C20orf141: variants seen among roughly 807,000 people sequenced by gnomAD.
The protein encoded by C20orf141 is chromosome 20 open reading frame 141, also known as uncharacterized protein C20orf141.
Under a neutral mutation model 7.8 loss-of-function variants are expected in C20orf141, and 8 were observed. The observed-to-expected ratio is 1.03, with a 90% confidence interval of 0.60 to 1.85. C20orf141 has a LOEUF of 1.85. Among genes scored for constraint, C20orf141 ranks in the 40% most tolerant of loss-of-function variants. The probability of loss-of-function intolerance (pLI) is 0.00; values close to 1 mark genes in which losing one functional copy is unlikely to be tolerated. For missense variants in C20orf141, 220 were observed against 203.1 expected (o/e 1.08, Z -0.51); for synonymous variants, 101 against 90.8 (o/e 1.11, Z -0.64).
At chr20:2,815,477 G>A in intron 2 of C20orf141, 33 bp downstream of exon 2, 1 of 1,564,146 alleles carries the variant, frequency 6.4e-7, no homozygotes, top group East Asian at 2.3e-5. Context: ...GGTGGGCATT[G>A]TAGGCGGGCG....
chr20:2,815,449 G>C lies in C20orf141; in HGVS notation c.260+5G>C, dbSNP rs772374762. The C allele has an allele frequency of 3.8e-6, 6 of 1,563,710 alleles. No homozygotes were observed. The highest frequency in any genetic ancestry group is 5.2e-6 in the Non-Finnish European group (6 of 1,151,616). On this transcript the variant is annotated splice_donor_5th_base_variant and intron_variant, in intron 2 of 2. Transcript: ENST00000603872. ...CACCTTTGACCTGCTCCATAGGTAA[G>C]TGGGCAGCAGCCTGGCAGGTGGGCA...
In C20orf141 at chr20:2,815,460, C is replaced by T. The variant is rs1360916427; in HGVS notation, c.260+16C>T. On this transcript the variant is annotated intron_variant, in intron 2 of 2. Coordinates refer to ENST00000603872, the MANE Select transcript of C20orf141 (RefSeq NM_001256538.2). ...TGCTCCATAGGTAAGTGGGCAGCAG[C>T]CTGGCAGGTGGGCATTGTAGGCGGG... is the stretch of plus-strand genomic sequence containing the variant. The T allele has an allele frequency of 6.4e-7, 1 of 1,565,628 alleles. No homozygotes were observed. The highest frequency in any genetic ancestry group is 1.2e-5 in the South Asian group (1 of 82,588).
Position 2,815,376 on chromosome 20 carries a change from C to G in C20orf141, c.192C>G (p.Val64=), listed in dbSNP as rs1437202384. 1.3e-6 allele frequency: 2 copies of G among 1,584,898 alleles called. No homozygotes were observed. The highest frequency in any genetic ancestry group is 1.7e-6 in the Non-Finnish European group (2 of 1,163,016). The stretch of plus-strand genomic sequence containing the variant: ...CACTAGGACTGACAATCCAGGCAGT[C>G]TTTTCCACCACTGGCCCAGCCCTGC... ...LGALGLTIQA[V]FSTTGPALLL... The change falls in exon 2 of 3, where the codon GTC becomes GTG. Residue 64 remains valine (V), a synonymous_variant. Coordinates refer to ENST00000603872, the MANE Select transcript of C20orf141 (RefSeq NM_001256538.2).
In C20orf141 at chr20:2,815,291, C is replaced by T. The variant is rs1225287596; in HGVS notation, c.107C>T (p.Pro36Leu). The change falls in exon 2 of 3, where the codon CCT (proline) becomes CTT (leucine). Residue 36 changes from proline to leucine, a missense_variant. Transcript: ENST00000603872. Reference protein sequence around the residue: ...GEGSGSPVRPPVSTWGPSWAQ... With the variant: ...GEGSGSPVRPLVSTWGPSWAQ... The stretch of plus-strand genomic sequence containing the variant: ...GGGTCAGGTAGTCCAGTGCGTCCAC[C>T]TGTATCCACCTGGGGCCCTAGCTGG... 1 of 1,612,300 alleles carries T rather than the reference C, an allele frequency of 6.2e-7. No individual in the cohort carries two copies. The highest frequency in any genetic ancestry group is 8.5e-7 in the Non-Finnish European group (1 of 1,179,090).
Position 2,815,193 on chromosome 20 carries a change from G to C in C20orf141, c.9G>C (p.Arg3=). The part of the protein sequence containing the change: MT[R]LCLPRPEARE... ...CACCTCCACCTCTCTCCATGACCCG[G>C]CTCTGCTTACCCAGACCCGAAGCAC... The change falls in exon 2 of 3, where the codon CGG becomes CGC. Residue 3 remains arginine, a synonymous_variant. Coordinates refer to ENST00000603872, the MANE Select transcript of C20orf141 (RefSeq NM_001256538.2). 6.2e-7 allele frequency: 1 copy of C among 1,613,962 alleles called. No homozygotes were observed. Among genetic ancestry groups the C allele is most frequent in the Non-Finnish European group, 8.5e-7 (1 of 1,179,988 alleles).
At chr20:2,815,104 C>A (rs898454649) in intron 1 of C20orf141, 48 bp from the exon 2 acceptor site, 1 of 1,545,784 alleles carries the variant, frequency 6.5e-7, no homozygotes, top group African/African-American at 1.4e-5. Context: ...CTTCTGTCTG[C>A]CCGGGCCCTA....
At chr20:2,815,505 C>T (rs779257341) in intron 2 of C20orf141, 33 bp from the exon 3 acceptor site, 2 of 1,581,972 alleles carry the variant, frequency 1.3e-6, no homozygotes, top group Non-Finnish European at 1.7e-6. Context: ...GGACAACTTC[C>T]CTAAGCCCAG....
In C20orf141 at chr20:2,815,266, G is replaced by A. The variant is rs770991057; in HGVS notation, c.82G>A (p.Gly28Arg). Reference protein sequence around the residue: ...VPPRGLGAGEGSGSPVRPPVS... With the variant: ...VPPRGLGAGERSGSPVRPPVS... ...TCCAAGGGGCCTGGGTGCTGGGGAG[G>A]GGTCAGGTAGTCCAGTGCGTCCACC... is the stretch of plus-strand genomic sequence containing the variant. Residue 28 changes from glycine (G) to arginine (R), a missense_variant, in exon 2 of 3, where the codon GGG (glycine) becomes AGG (arginine). Gly to Arg is a moderately radical substitution (Grantham distance 125, BLOSUM62 -2). Transcript: ENST00000603872. 19 of 1,613,870 alleles carry A rather than the reference G, an allele frequency of 1.2e-5. No individual in the cohort carries two copies. The highest frequency in any genetic ancestry group is 1.7e-5 in the Admixed American group (1 of 59,974).
intron 2 of C20orf141, 39 bp downstream of exon 2, chr20:2,815,483 G>C (rs374559201): frequency 6.4e-7 from 1 of 1,565,696 alleles, no homozygotes. Flanking sequence ...CATTGTAGGC[G>C]GGCGGGCCAG....
chr20:2,815,622 G>A lies in C20orf141; in HGVS notation c.345G>A (p.Glu115=). Residue 115 remains glutamate (E), a synonymous_variant, in exon 3 of 3, where the codon GAG becomes GAA. Transcript: ENST00000603872. ...CCGGTGAAGGTCCTGGACAGCAGGA[G>A]GCTCTACTCCTGCAAATGGGTACAG... ...QGAGEGPGQQ[E]ALLLQMGTVS... 4 of 1,614,134 alleles carry A rather than the reference G, an allele frequency of 2.5e-6. No individual in the cohort carries two copies. The highest frequency in any genetic ancestry group is 2.2e-5 in the South Asian group (2 of 91,088).
At chr20:2,815,053 G>C (rs2088650088) in intron 1 of C20orf141, 36 bp downstream of exon 1, 2 of 1,174,514 alleles carry the variant, frequency 1.7e-6, no homozygotes, top group South Asian at 2.9e-5. Flanking sequence ...TGGGGGAGGG[G>C]GAGACTCTGC....
Position 2,815,570 on chromosome 20 carries a change from T to C in C20orf141, c.293T>C (p.Leu98Pro), listed in dbSNP as rs1244112024. The C allele has an allele frequency of 6.2e-7, 1 of 1,613,704 alleles. No homozygotes were observed. Among genetic ancestry groups the C allele is most frequent in the African/African-American group, 1.3e-5 (1 of 74,896 alleles). The change falls in exon 3 of 3, where the codon CTT becomes CCT. Residue 98 changes from leucine (L) to proline (P), a missense_variant. Physicochemically the swap from Leu to Pro is moderately conservative, Grantham distance 98 (BLOSUM62 -3). Transcript: ENST00000603872. ...PAGHTLPQRK[L>P]LTRGQSQGAG... ...GGTCACACTCTGCCACAGCGCAAACTTCTCACCAGGGGCCAGAGTCAGGGG... is the reference window on the plus strand; with the variant it reads ...GGTCACACTCTGCCACAGCGCAAACCTCTCACCAGGGGCCAGAGTCAGGGG...
chr20:2,815,063 C>G lies in C20orf141; in HGVS notation c.-34+46C>G. ...GGGTATGGGGGAGGGGGAGACTCTGCAGGAGCCTAATTCCCCACTCTGAGC... is the reference window on the plus strand; with the variant it reads ...GGGTATGGGGGAGGGGGAGACTCTGGAGGAGCCTAATTCCCCACTCTGAGC... On this transcript the variant is annotated intron_variant, in intron 1 of 2. Transcript: ENST00000603872. 4 of 1,264,726 alleles carry G rather than the reference C, an allele frequency of 3.2e-6. No homozygotes were observed. The Admixed American group carries it at 7.9e-5, about 25-fold the overall frequency. 78.3% of individuals were successfully genotyped at this position (1,264,726 alleles called of 1,614,324 possible). A position where few individuals can be genotyped will look rare whatever the true frequency, so the allele number is the denominator to read the frequency against.
At position 2,815,646 on chromosome 20, in the gene C20orf141, A is replaced by C; in HGVS notation, c.369A>C (p.Thr123=). Residue 123 remains threonine, a synonymous_variant, in exon 3 of 3, where the codon ACA becomes ACC. Transcript: ENST00000603872. ...AGGCTCTACTCCTGCAAATGGGTAC[A>C]GTCTCAGGACAACTTAGCCTCCAGG... is the stretch of plus-strand genomic sequence containing the variant. The part of the protein sequence containing the change: ...QQEALLLQMG[T]VSGQLSLQDA... 6.2e-7 allele frequency: 1 copy of C among 1,614,110 alleles called. No homozygotes were observed. The highest frequency in any genetic ancestry group is 8.5e-7 in the Non-Finnish European group (1 of 1,180,022).
chr20:2,815,318 C>T lies in C20orf141; in HGVS notation c.134C>T (p.Ala45Val), dbSNP rs754740354. The change falls in exon 2 of 3, where the codon GCC becomes GTC. Residue 45 changes from alanine (A) to valine (V), a missense_variant. By Grantham distance (64) the Ala-to-Val change is moderately conservative. Coordinates refer to ENST00000603872, the MANE Select transcript of C20orf141 (RefSeq NM_001256538.2). ...PPVSTWGPSW[A>V]QLLDSVLWLG... The stretch of plus-strand genomic sequence containing the variant: ...GTATCCACCTGGGGCCCTAGCTGGG[C>T]CCAGCTCCTGGACAGTGTCCTATGG... 2.0e-5 allele frequency: 32 copies of T among 1,609,008 alleles called. No individual in the cohort carries two copies. The highest frequency in any genetic ancestry group is 2.2e-5 in the Non-Finnish European group (26 of 1,177,108).
At position 2,814,994 on chromosome 20, in the gene C20orf141, G is replaced by A; in HGVS notation, c.-57G>A. ...ACAATGCCCCGGGTGCCCACTCCCA[G>A]AATGCTGACCAAAGTGGGAGGAGGT... On this transcript the variant is annotated 5_prime_UTR_variant, in exon 1 of 3. Transcript: ENST00000603872. 1.5e-6 allele frequency: 1 copy of A among 687,112 alleles called. No homozygotes were observed. The highest frequency in any genetic ancestry group is 1.9e-5 in the South Asian group (1 of 52,306). The allele number at this position is 687,112 out of a possible 1,614,324, so 42.6% of individuals were successfully genotyped here.
intron 1 of C20orf141, 29 bp from the exon 2 acceptor site, chr20:2,815,123 C>G: frequency 6.3e-7 from 1 of 1,591,906 alleles, no homozygotes; most frequent in Non-Finnish European, 8.6e-7. Context: ...TACCCCTTCC[C>G]CTACTCTCAC....
At chr20:2,815,103 G>GC in intron 1 of C20orf141, 49 bp from the exon 2 acceptor site, 1 of 1,542,288 alleles carries the variant, frequency 6.5e-7, no homozygotes, top group Non-Finnish European at 8.8e-7. Flanking sequence ...CCTTCTGTCT[G>GC]CCCGGGCCCT....
chr20:2,815,514 A>C (rs1224733597), intron 2 of C20orf141, 24 bp from the exon 3 acceptor site: 1 of 1,590,734 alleles, frequency 6.3e-7, no homozygotes, highest in Non-Finnish European at 8.6e-7. Flanking sequence ...CCCTAAGCCC[A>C]GTCACCACCC....
Sources: allele counts gnomAD v4.1 joint callset, GRCh38; gene constraint gnomAD v4.1.1; transcripts MANE v1.5; gene names NCBI Gene and HGNC (gene_info 2026-07-23, HGNC 2026-07-21).